Variants in SLC24A2 observed in about 807,000 individuals in gnomAD.
The protein encoded by SLC24A2 is sodium/potassium/calcium exchanger 2.
Under a neutral mutation model 62.0 loss-of-function variants are expected in SLC24A2, and 36 were observed. That is an observed-to-expected ratio of 0.58 (90% CI 0.44 to 0.77). The LOEUF is 0.77. SLC24A2 is among the 30% of genes least tolerant of loss of function. The pLI, the probability that SLC24A2 is intolerant of heterozygous loss-of-function variation, is 0.00. For synonymous variants in SLC24A2, 358 were observed against 294.0 expected, an observed-to-expected ratio of 1.22 and a Z score of -2.23; for missense variants, 846 against 817.9, an observed-to-expected ratio of 1.03 and a Z score of -0.42.
chr9:19,909,300 G>A, the SLC24A2 span, among the ~76,000 whole-genome samples: 13 of 152,164 alleles, frequency 8.5e-5, no homozygotes, highest in South Asian at 2.5e-3. Flanking sequence ...CATGGACACA[G>A]GAAGGGGAAC....
chr9:19,881,203 T>C, the SLC24A2 span, among the ~76,000 whole-genome samples: 2 of 151,630 alleles, frequency 1.3e-5, no homozygotes, highest in African/African-American at 4.8e-5. Flanking sequence ...GGAAACAGAG[T>C]TCAAAGACTG....
chr9:20,148,711 T>C, the SLC24A2 span, among the ~76,000 whole-genome samples: 1 of 152,118 alleles, frequency 6.6e-6, no homozygotes, highest in South Asian at 2.1e-4. Flanking sequence ...TGTATTATTA[T>C]TTCAACACTA....
At chr9:20,211,138 A>C in the SLC24A2 span, among the ~76,000 whole-genome samples, 1 of 152,140 alleles carries the variant, frequency 6.6e-6, no homozygotes, top group Non-Finnish European at 1.5e-5. Flanking sequence ...AGTTTGAATA[A>C]GCATTTGCTA....
the SLC24A2 span, among the ~76,000 whole-genome samples, chr9:19,862,891 T>A: frequency 6.6e-6 from 1 of 150,380 alleles, no homozygotes; most frequent in South Asian, 2.1e-4. Context: ...CCAGAGAAAA[T>A]CACCTCCACT....
At chr9:19,698,709 AGGT>A (rs1820267588) in intron 2 of SLC24A2, among the ~76,000 whole-genome samples, 2 of 152,214 alleles carry the variant, frequency 1.3e-5, no homozygotes, top group South Asian at 4.1e-4. Flanking sequence ...TCAGTATGAA[AGGT>A]GGGAAGGGAT....
intron 2 of SLC24A2, among the ~76,000 whole-genome samples, chr9:19,718,513 G>C (rs1323209533): frequency 8.4e-6 from 1 of 119,598 alleles, no homozygotes; most frequent in African/African-American, 3.4e-5. Context: ...GTTTCACCAT[G>C]TTGCCCAGGC....
At chr9:19,779,283 C>T (rs1822939343) in intron 2 of SLC24A2, among the ~76,000 whole-genome samples, 1 of 152,140 alleles carries the variant, frequency 6.6e-6, no homozygotes, top group Non-Finnish European at 1.5e-5. Flanking sequence ...TAGAGGATAC[C>T]TAAATGAGAA....
chr9:19,770,923 C>T (rs1411445147), intron 2 of SLC24A2, among the ~76,000 whole-genome samples: 1 of 152,076 alleles, frequency 6.6e-6, no homozygotes, highest in Non-Finnish European at 1.5e-5. Context: ...CATTAAGAGG[C>T]CCCTTACTAA....
chr9:20,046,959 A>T, the SLC24A2 span, among the ~76,000 whole-genome samples: 2 of 152,042 alleles, frequency 1.3e-5, no homozygotes, highest in African/African-American at 4.8e-5. Context: ...TAGTGTCCAG[A>T]TGGAACAACC....
intron 2 of SLC24A2, among the ~76,000 whole-genome samples, chr9:19,670,031 T>G (rs970283519): frequency 1.4e-4 from 22 of 152,192 alleles, no homozygotes; most frequent in African/African-American, 4.6e-4. Flanking sequence ...GAGAATAGCC[T>G]GCATTTAGAG....
chr9:19,648,509 C>A (rs1409891909), intron 2 of SLC24A2, among the ~76,000 whole-genome samples: 2 of 152,120 alleles, frequency 1.3e-5, no homozygotes, highest in African/African-American at 2.4e-5. Context: ...CCTACACCAA[C>A]ATAATAGAAA....
chr9:20,097,490 A>G, the SLC24A2 span, among the ~76,000 whole-genome samples: 1 of 152,134 alleles, frequency 6.6e-6, no homozygotes, highest in African/African-American at 2.4e-5. Context: ...GAAGACTAAT[A>G]GACACTAATA....
At chr9:20,183,970 A>G in the SLC24A2 span, among the ~76,000 whole-genome samples, 1 of 152,218 alleles carries the variant, frequency 6.6e-6, no homozygotes, top group African/African-American at 2.4e-5. Context: ...AGAGTGATTG[A>G]GAGAAATACA....
the SLC24A2 span, among the ~76,000 whole-genome samples, chr9:19,990,186 T>C: frequency 6.6e-6 from 1 of 152,184 alleles, no homozygotes; most frequent in East Asian, 1.9e-4. Flanking sequence ...GCCCATTTTA[T>C]AGATGAGGAA....
At chr9:20,106,917 T>G in the SLC24A2 span, among the ~76,000 whole-genome samples, 1 of 152,202 alleles carries the variant, frequency 6.6e-6, no homozygotes, top group Non-Finnish European at 1.5e-5. Flanking sequence ...TTGTCCCTGT[T>G]TGCAGACGAC....
At chr9:19,974,369 G>A in the SLC24A2 span, among the ~76,000 whole-genome samples, 1 of 152,068 alleles carries the variant, frequency 6.6e-6, no homozygotes, top group African/African-American at 2.4e-5. Context: ...AATTTTTAAG[G>A]TCTGTACTCC....
chr9:19,955,816 C>T, the SLC24A2 span, among the ~76,000 whole-genome samples: 2 of 152,160 alleles, frequency 1.3e-5, no homozygotes, highest in Non-Finnish European at 2.9e-5. Flanking sequence ...AACCTCAAGA[C>T]TATAACTATA....
At chr9:19,528,325 T>TA (rs1833532410) in intron 8 of SLC24A2, among the ~76,000 whole-genome samples, 187 bp from the exon 9 acceptor site, 1 of 152,178 alleles carries the variant, frequency 6.6e-6, no homozygotes, top group African/African-American at 2.4e-5. Flanking sequence ...CTTGGAGATG[T>TA]GAAATTGATA....
chr9:19,685,191 C>T (rs113073688), intron 2 of SLC24A2, among the ~76,000 whole-genome samples: 4,199 of 152,076 alleles, frequency 0.028, 113 homozygotes, highest in East Asian at 0.091. Flanking sequence ...TACCTAGGAA[C>T]ACAGCTAACC....
Sources: gnomAD v4.1 joint callset for allele counts (sites outside exome capture counted in the v4.1 genomes callset) on GRCh38, gnomAD v4.1.1 for gene constraint, MANE v1.5 for transcripts, NCBI Gene and HGNC (gene_info 2026-07-23, HGNC 2026-07-21) for gene names.